VASH2: variants seen among roughly 807,000 people sequenced by gnomAD.
The protein encoded by VASH2 is tubulinyl-Tyr carboxypeptidase 2.
VASH2 carries 28 observed loss-of-function variants against 37.2 expected under a neutral mutation model. The observed-to-expected ratio is 0.75, with a 90% CI of 0.56 to 1.03. The LOEUF (loss-of-function observed/expected upper bound fraction) is 1.03. Ranked by LOEUF, VASH2 falls within the 50% of genes least tolerant of loss-of-function variation. The pLI is 0.00. For missense variants in VASH2, 419 were observed against 459.1 expected, an observed-to-expected ratio of 0.91 and a Z score of 0.80; for synonymous variants, 188 against 174.7, an observed-to-expected ratio of 1.08 and a Z score of -0.60.
chr1:212,986,127 A>C (rs1667469527), intron 7 of VASH2, among the ~76,000 whole-genome samples: 1 of 152,234 alleles, frequency 6.6e-6, no homozygotes, highest in South Asian at 2.1e-4. Flanking sequence ...CTAATTACAA[A>C]ACCAGGAAAG....
At chr1:212,969,448 G>T (rs1666944795) in intron 5 of VASH2, among the ~76,000 whole-genome samples, 1 of 151,716 alleles carries the variant, frequency 6.6e-6, no homozygotes, top group Non-Finnish European at 1.5e-5. Context: ...CGCCCACCTC[G>T]GCCTCCCAAA....
intron 5 of VASH2, among the ~76,000 whole-genome samples, chr1:212,969,475 C>T (rs971536343): frequency 7.9e-5 from 12 of 152,170 alleles, no homozygotes; most frequent in African/African-American, 2.2e-4. Context: ...GGATTATAGG[C>T]GTGAACCACT....
chr1:212,965,338 G>T (rs1666807683), intron 3 of VASH2, among the ~76,000 whole-genome samples: 1 of 152,172 alleles, frequency 6.6e-6, no homozygotes. Flanking sequence ...TTGAGCCCAG[G>T]AGTTCAAGAC....
chr1:212,969,995 T>C (rs775832737), intron 5 of VASH2, among the ~76,000 whole-genome samples: 2 of 152,212 alleles, frequency 1.3e-5, no homozygotes, highest in African/African-American at 2.4e-5. Context: ...GAGAGGTAGA[T>C]CTTTGCTTCC....
intron 7 of VASH2, among the ~76,000 whole-genome samples, chr1:212,976,200 T>TG (rs759301635): frequency 7.9e-5 from 12 of 152,070 alleles, no homozygotes; most frequent in Non-Finnish European, 1.6e-4. Context: ...TTGAGGAAGC[T>TG]GGGGGATAAA....
intron 7 of VASH2, among the ~76,000 whole-genome samples, chr1:212,978,317 A>G (rs1299250124): frequency 6.6e-6 from 1 of 152,180 alleles, no homozygotes; most frequent in Non-Finnish European, 1.5e-5. Context: ...AGTGAAAGCT[A>G]TCTACTCTCC....
chr1:212,980,813 A>C (rs1004142450), intron 7 of VASH2, among the ~76,000 whole-genome samples: 4 of 152,234 alleles, frequency 2.6e-5, no homozygotes, highest in African/African-American at 9.6e-5. Flanking sequence ...AGAGGGAAGC[A>C]AACAAACAAA....
chr1:212,963,810 T>C (rs1666755181), intron 3 of VASH2, among the ~76,000 whole-genome samples: 1 of 152,150 alleles, frequency 6.6e-6, no homozygotes, highest in Non-Finnish European at 1.5e-5. Flanking sequence ...TTTGTTACAC[T>C]AGATGTATAA....
chr1:212,973,290 C>A, intron 6 of VASH2: 2 of 1,009,890 alleles, frequency 2.0e-6, no homozygotes, highest in Non-Finnish European at 2.7e-6. Context: ...TTTCCCAGGA[C>A]ATGAGATTTT....
chr1:212,961,400 G>A (rs1666673023), intron 3 of VASH2, 146 bp downstream of exon 3: 11 of 1,508,238 alleles, frequency 7.3e-6, no homozygotes, highest in Non-Finnish European at 8.8e-6. Context: ...CCGGGTGGGA[G>A]TCTAGAAAGA....
At chr1:212,978,367 G>A (rs538373367) in intron 7 of VASH2, among the ~76,000 whole-genome samples, 1 of 152,338 alleles carries the variant, frequency 6.6e-6, no homozygotes, top group African/African-American at 2.4e-5. Context: ...GAGTGGGCCT[G>A]GGAATGGGGA....
At chr1:212,953,274 G>A (rs1490529357) in intron 2 of VASH2, among the ~76,000 whole-genome samples, 1 of 151,962 alleles carries the variant, frequency 6.6e-6, no homozygotes, top group Non-Finnish European at 1.5e-5. Context: ...GAATTTTGCT[G>A]TTTGTAGAGA....
chr1:212,952,134 G>A (rs534076546), intron 2 of VASH2, among the ~76,000 whole-genome samples: 1 of 152,140 alleles, frequency 6.6e-6, no homozygotes, highest in Non-Finnish European at 1.5e-5. Context: ...TTCAGCAAAA[G>A]CTAGAGCCAC....
chr1:212,973,875 T>A, intron 6 of VASH2, 80 bp from the exon 7 acceptor site: 1 of 1,519,874 alleles, frequency 6.6e-7, no homozygotes. Flanking sequence ...GGCTGGGGGG[T>A]GGAATGTGGT....
rs1450391522 is a variant in VASH2, at chr1:212,950,977, C to T, written c.-205+237C>T. 3.3e-5 allele frequency among the ~76,000 whole-genome samples: 5 copies of T among 152,378 alleles called. No homozygotes were observed. The highest frequency in any genetic ancestry group is 1.9e-4 in the East Asian group (1 of 5,178). On this transcript the variant is annotated intron_variant, in intron 1 of 7. Coordinates refer to ENST00000517399, the MANE Select transcript of VASH2 (RefSeq NM_001301056.2). This position sits in a 1 kb window ranked among gnomAD's most constrained non-coding sequence, Gnocchi z 5.5. ...TCACATGCCAGCACGTTCGTGGCTC[C>T]CCTCCTCTCTTGGCCACATCTGAGG... is the stretch of plus-strand genomic sequence containing the variant.
intron 2 of VASH2, among the ~76,000 whole-genome samples, chr1:212,952,953 T>C (rs1054029092): frequency 1.3e-5 from 2 of 152,190 alleles, no homozygotes; most frequent in African/African-American, 4.8e-5. Context: ...GAGATCTTCA[T>C]TGTGCCCAAC....
At position 212,991,215 on chromosome 1, in the gene VASH2, G is replaced by A. The variant is rs757903809; in HGVS notation, c.*2631G>A. On this transcript the variant is annotated 3_prime_UTR_variant, in exon 8 of 8. Coordinates refer to ENST00000517399, the MANE Select transcript of VASH2 (RefSeq NM_001301056.2). The stretch of plus-strand genomic sequence containing the variant: ...ATCATGAGCATTTCACTTTTTCTAA[G>A]TCAATTATTTCATAAGGATTTTATT... The A allele has an allele frequency of 1.3e-5, 2 of 152,114 alleles. No individual in the cohort carries two copies. The highest frequency in any genetic ancestry group is 4.1e-4 in the South Asian group (2 of 4,830). The allele number at this position is 152,114 out of a possible 1,614,324, so 9.4% of individuals were successfully genotyped here. A position where few individuals can be genotyped will look rare whatever the true frequency, so the allele number is the denominator to read the frequency against.
intron 7 of VASH2, among the ~76,000 whole-genome samples, chr1:212,985,577 C>T (rs145488186): frequency 1.3e-3 from 203 of 152,064 alleles, no homozygotes; most frequent in Middle Eastern, 6.9e-3. Context: ...CCATCATACC[C>T]GGCTGTTTTT....
chr1:212,965,837 T>C, intron 4 of VASH2, 59 bp downstream of exon 4: 1 of 1,465,666 alleles, frequency 6.8e-7, no homozygotes, highest in Admixed American at 2.0e-5. Context: ...AGCTGCCAGC[T>C]TCCTCTCCCA....
Sources: gnomAD v4.1 joint callset for allele counts (sites outside exome capture counted in the v4.1 genomes callset) on GRCh38, gnomAD v4.1.1 for gene constraint, Gnocchi (gnomAD v3.1) non-coding constraint, MANE v1.5 for transcripts, NCBI Gene and HGNC (gene_info 2026-07-23, HGNC 2026-07-21) for gene names.